PRSS55: variants seen among roughly 807,000 people sequenced by gnomAD.
The protein encoded by PRSS55 is serine protease 55, also known as probable serine protease UNQ9391/PRO34284.
In PRSS55, 41 loss-of-function variants were observed where a neutral mutation model predicts 23.6. That is an observed-to-expected ratio of 1.74 (90% CI 1.35 to 2.26). The LOEUF is 2.26. Ranked by LOEUF, PRSS55 falls within the 30% of genes most tolerant of loss-of-function variation. PRSS55 has a pLI of 0.00. For missense variants in PRSS55, 669 were observed against 439.1 expected (o/e 1.52, Z -4.68); for synonymous variants, 262 against 175.5 (o/e 1.49, Z -3.90).
At chr8:10,546,344 C>G (rs1452081462) in intron 4 of PRSS55, among the ~76,000 whole-genome samples, 1 of 152,188 alleles carries the variant, frequency 6.6e-6, no homozygotes, top group African/African-American at 2.4e-5. Flanking sequence ...CCGCATGACC[C>G]CAGGGTTGCC....
At chr8:10,553,662 G>C (rs1812999615) in intron 4 of PRSS55, among the ~76,000 whole-genome samples, 1 of 152,146 alleles carries the variant, frequency 6.6e-6, no homozygotes, top group Admixed American at 6.5e-5. Flanking sequence ...TGGTCAAAGG[G>C]CACAAAATTT....
chr8:10,525,592 C>T lies in PRSS55; in HGVS notation c.7C>T (p.Leu3=). ...CACAGCACAGCCCAGGGCCATGCTC[C>T]TGTTCTCAGTGTTGCTGCTCCTGTC... is the stretch of plus-strand genomic sequence containing the variant. ML[L]FSVLLLLSLV... is the part of the protein sequence containing the mutation. The change falls in exon 1 of 5, where the codon CTG becomes TTG. Residue 3 remains leucine, a synonymous_variant. Transcript: ENST00000328655. The T allele has an allele frequency of 6.2e-7, 1 of 1,614,050 alleles. No homozygotes were observed. Among genetic ancestry groups the T allele is most frequent in the Non-Finnish European group, 8.5e-7 (1 of 1,179,964 alleles).
chr8:10,529,466 G>C lies in PRSS55; in HGVS notation c.155-41G>C, dbSNP rs761013767. The C allele has an allele frequency of 4.5e-5, 72 of 1,598,380 alleles. 2 individuals are homozygous for C. In the South Asian group the frequency reaches 5.5e-4, roughly 12 times the overall value. On this transcript the variant is annotated intron_variant, in intron 1 of 4. Transcript: ENST00000328655. ...CCAGCTCACACTGGATGCTGACTAA[G>C]TGTTTCCCCTTTTCCTTTCCACTCT...
intron 4 of PRSS55, among the ~76,000 whole-genome samples, chr8:10,535,378 C>T (rs986107172): frequency 1.3e-5 from 2 of 152,108 alleles, no homozygotes; most frequent in African/African-American, 4.8e-5. Flanking sequence ...ACACATAGAC[C>T]AATGAAATAG....
At chr8:10,533,088 C>T in intron 4 of PRSS55, 40 bp downstream of exon 4, 3 of 1,605,964 alleles carry the variant, frequency 1.9e-6, no homozygotes, top group South Asian at 1.1e-5. Context: ...TAGGTCCTCA[C>T]CCTCTGGGAA....
At chr8:10,539,126 C>A (rs1216172729), downstream of PRSS55, among the ~76,000 whole-genome samples, 1 of 151,692 alleles carries the variant, frequency 6.6e-6, no homozygotes, top group African/African-American at 2.4e-5. Context: ...AGTCCAGGGG[C>A]TGAAAGGTGA....
At position 10,553,929 on chromosome 8, in the gene PRSS55, T is replaced by A. The variant is rs146356505; in HGVS notation, c.742-14T>A. On this transcript the variant is annotated splice_polypyrimidine_tract_variant and intron_variant, in intron 4 of 4. Coordinates refer to the PRSS55 transcript ENST00000522210. ...AAATTTTTTTAATTTGTCAATTTAATTTTTTTTTTAAAGCAAAGCTATTTT... is the reference window on the plus strand; with the variant it reads ...AAATTTTTTTAATTTGTCAATTTAAATTTTTTTTTAAAGCAAAGCTATTTT... 1 of 660,304 alleles carries A rather than the reference T, an allele frequency of 1.5e-6. No individual in the cohort carries two copies. 40.9% of individuals were successfully genotyped at this position (660,304 alleles called of 1,614,324 possible). A position where few individuals can be genotyped will look rare whatever the true frequency, so the allele number is the denominator to read the frequency against.
chr8:10,527,562 C>A (rs773632760), intron 1 of PRSS55, among the ~76,000 whole-genome samples: 1 of 152,224 alleles, frequency 6.6e-6, no homozygotes, highest in African/African-American at 2.4e-5. Context: ...GAAGGCCACT[C>A]TGAAGAAGGG....
chr8:10,529,608 C>A lies in PRSS55; in HGVS notation c.256C>A (p.Gln86Lys), dbSNP rs767260983. The A allele has an allele frequency of 6.2e-7, 1 of 1,614,176 alleles. No individual in the cohort carries two copies. Among genetic ancestry groups the A allele is most frequent in the South Asian group, 1.1e-5 (1 of 91,084 alleles). The change falls in exon 2 of 5, where the codon CAG becomes AAG. Residue 86 changes from glutamine (Q) to lysine (K), a missense_variant. Gln to Lys is a moderately conservative substitution (Grantham distance 53). Transcript: ENST00000328655. ...VGEFPWQVSIQARSEPFCGGS... is the reference protein window; with the variant it reads ...VGEFPWQVSIKARSEPFCGGS... ...TGAGTTTCCGTGGCAGGTGAGTATT[C>A]AGGCAAGAAGTGAACCTTTCTGTGG...
chr8:10,536,030 C>G lies in PRSS55; in HGVS notation c.742-2446C>G, dbSNP rs527342832. Reference sequence around the variant, plus strand: ...TGAAACCCCGTCTCTACTGAAAATACAAAAAATTAGCCGGGCGTGGTGGTG... The same window carrying G: ...TGAAACCCCGTCTCTACTGAAAATAGAAAAAATTAGCCGGGCGTGGTGGTG... On this transcript the variant is annotated intron_variant, in intron 4 of 4. Coordinates refer to ENST00000328655, the MANE Select transcript of PRSS55 (RefSeq NM_198464.4). 7.6e-4 allele frequency among the ~76,000 whole-genome samples: 115 copies of G among 152,058 alleles called. 1 individual carries two copies. Among genetic ancestry groups the G allele is most frequent in the Non-Finnish European group, 1.2e-3 (84 of 68,000 alleles).
chr8:10,538,203 G>A (rs1812521705), intron 4 of PRSS55, among the ~76,000 whole-genome samples: 3 of 152,102 alleles, frequency 2.0e-5, no homozygotes, highest in African/African-American at 7.2e-5. Context: ...TCTCTGTGCT[G>A]CAGATGGAGT....
intron 4 of PRSS55, among the ~76,000 whole-genome samples, chr8:10,550,040 C>A (rs1812917055): frequency 6.6e-6 from 1 of 152,202 alleles, no homozygotes; most frequent in Non-Finnish European, 1.5e-5. Context: ...CTGCCTCAGC[C>A]TCCCAAGTAG....
chr8:10,545,386 G>A (rs1812791247), intron 4 of PRSS55, among the ~76,000 whole-genome samples: 1 of 151,778 alleles, frequency 6.6e-6, no homozygotes, highest in Admixed American at 6.6e-5. Flanking sequence ...GGAGAGATGG[G>A]GTCTCACCAT....
At chr8:10,542,163 T>G (rs1182965358), downstream of PRSS55, among the ~76,000 whole-genome samples, 1 of 152,160 alleles carries the variant, frequency 6.6e-6, no homozygotes, top group Non-Finnish European at 1.5e-5. Flanking sequence ...TTAGTTAGGC[T>G]ACAGGATTAT....
Position 10,538,637 on chromosome 8 carries a change from A to T in PRSS55, c.903A>T (p.Leu301=). ...YNLWIEKVTQ[L]EGRPFNAEKR... ...TCTGGATCGAGAAAGTGACCCAGCT[A>T]GAGGGCAGGCCCTTCAATGCAGAGA... Residue 301 remains leucine, a synonymous_variant, in exon 5 of 5, where the codon CTA becomes CTT. Transcript: ENST00000328655. 1 of 1,614,176 alleles carries T rather than the reference A, an allele frequency of 6.2e-7. No homozygotes were observed. Among genetic ancestry groups the T allele is most frequent in the South Asian group, 1.1e-5 (1 of 91,068 alleles).
At chr8:10,539,117 G>C (rs1472341607), downstream of PRSS55, among the ~76,000 whole-genome samples, 1 of 151,852 alleles carries the variant, frequency 6.6e-6, no homozygotes, top group East Asian at 1.9e-4. Flanking sequence ...GCGTGGCTGA[G>C]TCCAGGGGCT....
chr8:10,537,480 C>G (rs1167626868), intron 4 of PRSS55, among the ~76,000 whole-genome samples: 2 of 151,920 alleles, frequency 1.3e-5, no homozygotes, highest in Non-Finnish European at 1.5e-5. Flanking sequence ...GGTGGGGACT[C>G]CAGTTAAGGA....
chr8:10,535,466 G>A (rs771609668), intron 4 of PRSS55, among the ~76,000 whole-genome samples: 5 of 152,332 alleles, frequency 3.3e-5, no homozygotes, highest in Non-Finnish European at 7.3e-5. Context: ...AAGCAATGGG[G>A]AAAGGACTTC....
rs1196185614 is a variant in PRSS55, at chr8:10,538,606, A to G, written c.872A>G (p.Tyr291Cys). ...TPGIYTSLVN[Y>C]NLWIEKVTQL... ...GGGATATACACCTCGTTGGTGAACT[A>G]CAACCTCTGGATCGAGAAAGTGACC... Residue 291 changes from tyrosine to cysteine, a missense_variant, in exon 5 of 5, where the codon TAC becomes TGC. Physicochemically the swap from Tyr to Cys is radical, Grantham distance 194 (BLOSUM62 -2). Coordinates refer to ENST00000328655, the MANE Select transcript of PRSS55 (RefSeq NM_198464.4). 7 of 1,614,156 alleles carry G rather than the reference A, an allele frequency of 4.3e-6. No individual in the cohort carries two copies. Among genetic ancestry groups the G allele is most frequent in the Non-Finnish European group, 5.9e-6 (7 of 1,180,006 alleles).
Sources: gnomAD v4.1 joint callset for allele counts (sites outside exome capture counted in the v4.1 genomes callset) on GRCh38, gnomAD v4.1.1 for gene constraint, MANE v1.5 for transcripts, NCBI Gene and HGNC (gene_info 2026-07-23, HGNC 2026-07-21) for gene names.